Variants in ARHGAP42 observed in about 807,000 individuals in gnomAD.
ARHGAP42 encodes the protein rho GTPase-activating protein 42.
ARHGAP42 carries 63 observed loss-of-function variants against 125.0 expected under a neutral mutation model. The observed-to-expected ratio is 0.50, with a 90% CI of 0.41 to 0.62. The LOEUF (loss-of-function observed/expected upper bound fraction) is 0.62. Among genes scored for constraint, ARHGAP42 ranks in the 20% least tolerant of loss-of-function variants. The pLI, the probability that ARHGAP42 is intolerant of heterozygous loss-of-function variation, is 0.00. For synonymous variants in ARHGAP42, 339 were observed against 351.0 expected, an observed-to-expected ratio of 0.97 and a Z score of 0.38; for missense variants, 766 against 1,024.2, an observed-to-expected ratio of 0.75 and a Z score of 3.44.
At chr11:100,930,529 G>T (rs995174733) in intron 6 of ARHGAP42, among the ~76,000 whole-genome samples, 1 of 152,102 alleles carries the variant, frequency 6.6e-6, no homozygotes, top group Non-Finnish European at 1.5e-5. Flanking sequence ...CTCAGCATGC[G>T]TTGTGAGATT....
intron 2 of ARHGAP42, among the ~76,000 whole-genome samples, chr11:100,793,858 G>T (rs1863636227): frequency 6.6e-6 from 1 of 152,032 alleles, no homozygotes; most frequent in Admixed American, 6.6e-5. Flanking sequence ...GATCACTTGA[G>T]TCCAAGAGTT....
At chr11:100,743,563 A>G (rs1446002534) in intron 1 of ARHGAP42, among the ~76,000 whole-genome samples, 1 of 152,114 alleles carries the variant, frequency 6.6e-6, no homozygotes, top group Non-Finnish European at 1.5e-5. Flanking sequence ...CCTTTTTGTG[A>G]TGAATCACCC....
At chr11:100,757,555 A>G (rs1354423708) in intron 1 of ARHGAP42, among the ~76,000 whole-genome samples, 3 of 152,326 alleles carry the variant, frequency 2.0e-5, no homozygotes, top group Non-Finnish European at 2.9e-5. Flanking sequence ...ATAAAATAGT[A>G]TAGTTCACCA....
chr11:100,866,872 T>G (rs1236895200), intron 4 of ARHGAP42, among the ~76,000 whole-genome samples: 1 of 152,138 alleles, frequency 6.6e-6, no homozygotes, highest in East Asian at 1.9e-4. Context: ...GACTTGAAAG[T>G]CAAAATTACT....
At chr11:100,801,980 G>A (rs1169040698) in intron 3 of ARHGAP42, among the ~76,000 whole-genome samples, 1 of 152,148 alleles carries the variant, frequency 6.6e-6, no homozygotes, top group Non-Finnish European at 1.5e-5. Context: ...GGAAATGCTA[G>A]AATTTTTCCA....
At chr11:100,837,697 T>TTTTTTTTTTTA (rs1864840322) in intron 3 of ARHGAP42, among the ~76,000 whole-genome samples, 1 of 128,850 alleles carries the variant, frequency 7.8e-6, no homozygotes, top group African/African-American at 2.8e-5. Context: ...TTTTTTTTTT[T>TTTTTTTTTTTA]AGTAAATATG....
At chr11:100,796,335 C>G (rs1863713308) in intron 3 of ARHGAP42, among the ~76,000 whole-genome samples, 1 of 152,166 alleles carries the variant, frequency 6.6e-6, no homozygotes. Flanking sequence ...GCTGTACCAG[C>G]CAGCCATTCA....
intron 2 of ARHGAP42, among the ~76,000 whole-genome samples, chr11:100,777,181 G>A (rs1863150501): frequency 6.6e-6 from 1 of 152,164 alleles, no homozygotes; most frequent in African/African-American, 2.4e-5. Flanking sequence ...GTGTTGAAAG[G>A]TGAAGGTATA....
intron 4 of ARHGAP42, among the ~76,000 whole-genome samples, chr11:100,890,105 G>A (rs1866183447): frequency 6.6e-6 from 1 of 152,194 alleles, no homozygotes; most frequent in Non-Finnish European, 1.5e-5. Flanking sequence ...GAGGAACTAA[G>A]GAACAGAGCA....
intron 6 of ARHGAP42, among the ~76,000 whole-genome samples, chr11:100,927,108 A>G (rs1867447910): frequency 6.6e-6 from 1 of 152,222 alleles, no homozygotes; most frequent in Non-Finnish European, 1.5e-5. Context: ...CTAATTTGCT[A>G]ACATGTTATA....
chr11:100,883,906 T>C (rs1866020959), intron 4 of ARHGAP42, among the ~76,000 whole-genome samples: 1 of 152,152 alleles, frequency 6.6e-6, no homozygotes, highest in Non-Finnish European at 1.5e-5. Context: ...TTTTTAGAAG[T>C]TGGTATCCAG....
At chr11:100,795,501 T>C (rs1009845335) in intron 3 of ARHGAP42, among the ~76,000 whole-genome samples, 1 of 152,156 alleles carries the variant, frequency 6.6e-6, no homozygotes, top group Non-Finnish European at 1.5e-5. Context: ...ACCTCAGTGT[T>C]ATAATACAAA....
intron 1 of ARHGAP42, among the ~76,000 whole-genome samples, chr11:100,766,372 A>G (rs1256162118): frequency 6.6e-6 from 1 of 152,170 alleles, no homozygotes; most frequent in Non-Finnish European, 1.5e-5. Context: ...CTTTCATTTT[A>G]TATTTAAGAG....
intron 1 of ARHGAP42, among the ~76,000 whole-genome samples, chr11:100,707,853 T>C (rs1175121344): frequency 6.6e-6 from 1 of 152,204 alleles, no homozygotes; most frequent in East Asian, 1.9e-4. Flanking sequence ...GTAGGTGCCA[T>C]GTGTAGCCTT....
intron 6 of ARHGAP42, among the ~76,000 whole-genome samples, chr11:100,927,156 T>C (rs1867449405): frequency 2.0e-5 from 3 of 152,208 alleles, no homozygotes; most frequent in Non-Finnish European, 4.4e-5. Context: ...AAAATACTTT[T>C]CAGAGTCTCT....
intron 1 of ARHGAP42, among the ~76,000 whole-genome samples, chr11:100,708,011 T>C (rs1009100301): frequency 3.3e-5 from 5 of 152,216 alleles, no homozygotes; most frequent in African/African-American, 9.6e-5. Flanking sequence ...GAAATACTTA[T>C]TGACCACCTA....
chr11:100,882,046 G>A (rs1377794425), intron 4 of ARHGAP42, among the ~76,000 whole-genome samples: 1 of 152,196 alleles, frequency 6.6e-6, no homozygotes, highest in African/African-American at 2.4e-5. Flanking sequence ...AGCAGTGACT[G>A]TTTGACCTCC....
chr11:100,871,317 G>A (rs1229745601), intron 4 of ARHGAP42, among the ~76,000 whole-genome samples: 4 of 151,822 alleles, frequency 2.6e-5, no homozygotes, highest in African/African-American at 2.4e-5. Flanking sequence ...AGGCACAGGC[G>A]GGTGGATCAC....
intron 4 of ARHGAP42, among the ~76,000 whole-genome samples, chr11:100,896,843 A>T (rs1392240418): frequency 6.6e-6 from 1 of 152,114 alleles, no homozygotes; most frequent in African/African-American, 2.4e-5. Flanking sequence ...CTTTAGTTTA[A>T]TTAGATGCCA....
Sources: gnomAD v4.1 joint callset for allele counts (sites outside exome capture counted in the v4.1 genomes callset) on GRCh38, gnomAD v4.1.1 for gene constraint, MANE v1.5 for transcripts, NCBI Gene and HGNC (gene_info 2026-07-23, HGNC 2026-07-21) for gene names.